Variants in KANK1 observed in about 807,000 individuals in gnomAD.
The protein encoded by KANK1 is KN motif and ankyrin repeat domains 1.
Under a neutral mutation model 106.2 loss-of-function variants are expected in KANK1, and 109 were observed. The ratio of observed to expected loss-of-function variants is 1.03; its 90% CI spans 0.88 to 1.20. The LOEUF (loss-of-function observed/expected upper bound fraction) is 1.20, where lower values mean the gene tolerates loss of function less well. Ranked by LOEUF, KANK1 falls within the 50% of genes most tolerant of loss-of-function variation. The probability of loss-of-function intolerance (pLI) is 0.00; values close to 1 mark genes in which losing one functional copy is unlikely to be tolerated. For synonymous variants in KANK1, 873 were observed against 652.2 expected (o/e 1.34, Z -5.16); for missense variants, 2,399 against 1,710.7 (o/e 1.40, Z -7.10).
chr9:482,607 A>C (rs530521372), intron 3 of KANK1, among the ~76,000 whole-genome samples: 16 of 152,228 alleles, frequency 1.1e-4, no homozygotes, highest in Admixed American at 2.0e-4. Context: ...TCTGTCTCCA[A>C]AAACTGACTA....
In KANK1 at chr9:530,501, A is replaced by G. The variant is rs374495330; in HGVS notation, c.-84+25747A>G. On this transcript the variant is annotated intron_variant, in intron 1 of 11. Coordinates refer to ENST00000382297, the MANE Select transcript of KANK1 (RefSeq NM_015158.5). ...CCCTCTGACTAAATCCCCCATGCCT[A>G]TGTGTCTGTTTCTTGACTTCTGTTT... Among the ~76,000 whole-genome samples the G allele has an allele frequency of 1.4e-3, 215 of 152,140 alleles. 2 individuals carry two copies. The highest frequency in any genetic ancestry group is 3.9e-3 in the African/African-American group (161 of 41,500).
intron 1 of KANK1, among the ~76,000 whole-genome samples, chr9:572,354 T>C (rs1331921701): frequency 6.6e-6 from 1 of 151,784 alleles, no homozygotes; most frequent in Non-Finnish European, 1.5e-5. Context: ...ATCGAGACCA[T>C]CCTGGCTAAC....
chr9:687,044 T>TTTTC, intron 2 of KANK1: 1 of 517,716 alleles, frequency 1.9e-6, no homozygotes, highest in Non-Finnish European at 2.5e-6. Context: ...TCTTTTTTTT[T>TTTTC]AATACTGCTG....
chr9:564,645 C>T (rs1428984009), intron 1 of KANK1, among the ~76,000 whole-genome samples: 1 of 152,166 alleles, frequency 6.6e-6, no homozygotes, highest in East Asian at 1.9e-4. Flanking sequence ...CTGCCCATGC[C>T]TACTTTTGGT....
chr9:677,666 C>T (rs963193987), intron 2 of KANK1: 6 of 152,164 alleles, frequency 3.9e-5, no homozygotes, highest in Non-Finnish European at 8.8e-5. Context: ...AATGGCGTGC[C>T]AAGTGTTCAT....
At chr9:600,916 C>G (rs959696459) in intron 1 of KANK1, among the ~76,000 whole-genome samples, 1 of 151,734 alleles carries the variant, frequency 6.6e-6, no homozygotes, top group Non-Finnish European at 1.5e-5. Context: ...GGCAGCCCAC[C>G]TTCATTTTTC....
chr9:510,106 C>T (rs574617942), intron 1 of KANK1, among the ~76,000 whole-genome samples: 128 of 152,196 alleles, frequency 8.4e-4, no homozygotes, highest in Non-Finnish European at 1.5e-3. Flanking sequence ...AGCCACTGCA[C>T]CCAGTCTAAG....
chr9:660,133 G>A, intron 1 of KANK1: 1 of 381,512 alleles, frequency 2.6e-6, no homozygotes, highest in South Asian at 2.4e-5. Context: ...CTGTCCAAGG[G>A]ACTGCTGATG....
At chr9:744,283 C>T (rs1017879063) in intron 10 of KANK1, among the ~76,000 whole-genome samples, 19 of 152,206 alleles carry the variant, frequency 1.2e-4, no homozygotes, top group Non-Finnish European at 2.6e-4. Flanking sequence ...TAACTGGGAC[C>T]TCTGGAGGGT....
At chr9:691,612 T>TTTTTTTC (rs373777106) in intron 2 of KANK1, among the ~76,000 whole-genome samples, 64,063 of 105,564 alleles carry the variant, frequency 0.61, 17,216 homozygotes, top group South Asian at 0.73. Context: ...AATACCAGAA[T>TTTTTTTC]TTTTTTTTTT....
chr9:482,718 A>G (rs940708137), intron 3 of KANK1, among the ~76,000 whole-genome samples: 5 of 152,216 alleles, frequency 3.3e-5, no homozygotes, highest in African/African-American at 1.2e-4. Context: ...CTGGCCTATC[A>G]TTGGATGTAA....
At position 711,036 on chromosome 9, in the gene KANK1, A is replaced by C. The variant is rs747245921; in HGVS notation, c.270A>C (p.Glu90Asp). 4.1e-5 allele frequency: 66 copies of C among 1,614,002 alleles called. No homozygotes were observed. In the Admixed American group the frequency reaches 1.1e-3, roughly 26 times the overall value. ...SGQQGIWTSTESLSSSNSDDN... is the reference protein window; with the variant it reads ...SGQQGIWTSTDSLSSSNSDDN... ...AGCAAGGTATATGGACTTCCACTGA[A>C]TCCCTCTCATCCTCCAACAGTGATG... Residue 90 changes from glutamate (E) to aspartate (D), a missense_variant, in exon 3 of 12, where the codon GAA (glutamate) becomes GAC (aspartate). Glu to Asp is a conservative substitution (Grantham distance 45, BLOSUM62 2). Transcript: ENST00000382297.
At chr9:602,704 T>A (rs1828070319) in intron 1 of KANK1, among the ~76,000 whole-genome samples, 1 of 151,906 alleles carries the variant, frequency 6.6e-6, no homozygotes, top group Admixed American at 6.5e-5. Context: ...GTCCTTATAA[T>A]TTTATGTGTG....
At chr9:533,269 G>A (rs532319856) in intron 1 of KANK1, among the ~76,000 whole-genome samples, 87 of 152,280 alleles carry the variant, frequency 5.7e-4, no homozygotes, top group Middle Eastern at 3.4e-3. Context: ...ACTGTATATC[G>A]TAGATATTAA....
In KANK1 at chr9:742,461, G is replaced by A. The variant is rs974624420; in HGVS notation, c.3897+56G>A. ...GGGGTCTGGGGGACTCTGGACGGGA[G>A]CTCTGGGAGTGCCTTTTGGCCAGGA... On this transcript the variant is annotated intron_variant, in intron 10 of 11. Coordinates refer to ENST00000382297, the MANE Select transcript of KANK1 (RefSeq NM_015158.5). 6 of 1,424,398 alleles carry A rather than the reference G, an allele frequency of 4.2e-6. No individual in the cohort carries two copies. The Admixed American group carries it at 1.2e-4, about 28-fold the overall frequency. 88.2% of individuals were successfully genotyped at this position (1,424,398 alleles called of 1,614,324 possible). A position where few individuals can be genotyped will look rare whatever the true frequency, so the allele number is the denominator to read the frequency against.
chr9:538,037 C>T (rs1011782639), intron 1 of KANK1, among the ~76,000 whole-genome samples: 1 of 149,410 alleles, frequency 6.7e-6, no homozygotes, highest in African/African-American at 2.5e-5. Context: ...GCTATTCATC[C>T]TTTTTTTTTT....
chr9:710,033 T>C (rs1471834601), intron 2 of KANK1, among the ~76,000 whole-genome samples: 1 of 152,168 alleles, frequency 6.6e-6, no homozygotes, highest in Non-Finnish European at 1.5e-5. Flanking sequence ...AAGATGGAAA[T>C]AGTAGACATT....
chr9:520,892 A>C (rs2059514835), intron 1 of KANK1, among the ~76,000 whole-genome samples: 1 of 151,664 alleles, frequency 6.6e-6, no homozygotes, highest in Non-Finnish European at 1.5e-5. Context: ...TTTTGCATGC[A>C]TTGTTAGTAT....
At position 740,741 on chromosome 9, in the gene KANK1, C is replaced by G. The variant is rs776502754; in HGVS notation, c.3554-51C>G. 1.0e-5 allele frequency: 16 copies of G among 1,580,328 alleles called. No individual in the cohort carries two copies. In the African/African-American group the frequency reaches 1.9e-4, roughly 19 times the overall value. On this transcript the variant is annotated intron_variant, in intron 8 of 11. Transcript: ENST00000382297. ...CCTTCAGTGGCTTCGTAAGCGGCTGCTATTAGAAGGGGCTGCTTCCTAAGA... is the reference window on the plus strand; with the variant it reads ...CCTTCAGTGGCTTCGTAAGCGGCTGGTATTAGAAGGGGCTGCTTCCTAAGA...
Sources: allele counts gnomAD v4.1 joint callset (sites outside exome capture counted in the v4.1 genomes callset), GRCh38; gene constraint gnomAD v4.1.1; transcripts MANE v1.5; gene names NCBI Gene and HGNC (gene_info 2026-07-23, HGNC 2026-07-21).